RTN3: variants seen among roughly 807,000 people sequenced by gnomAD.
RTN3 encodes the protein reticulon 3, also known as reticulon-3.
In RTN3, 49 loss-of-function variants were observed where a neutral mutation model predicts 77.8. The ratio of observed to expected loss-of-function variants is 0.63; its 90% CI spans 0.50 to 0.80. RTN3 has a LOEUF of 0.80. Ranked by LOEUF, RTN3 falls within the 30% of genes least tolerant of loss-of-function variation. The probability of loss-of-function intolerance (pLI) is 0.00; values close to 1 mark genes in which losing one functional copy is unlikely to be tolerated. For missense variants in RTN3, 1,236 were observed against 1,211.9 expected, an observed-to-expected ratio of 1.02 and a Z score of -0.29; for synonymous variants, 464 against 446.9, an observed-to-expected ratio of 1.04 and a Z score of -0.48.
At chr11:63,746,811 G>C (rs983915986) in intron 3 of RTN3, 7 of 367,076 alleles carry the variant, frequency 1.9e-5, no homozygotes, top group Non-Finnish European at 3.9e-5. Flanking sequence ...ACCGCACCCG[G>C]CTGTTAAGGA....
rs2011646092 is a variant in RTN3 at position 63,720,092 on chromosome 11, T to A, written c.1590T>A (p.Ala530=). 6.2e-7 allele frequency: 1 copy of A among 1,613,504 alleles called. No individual in the cohort carries two copies. Among genetic ancestry groups the A allele is most frequent in the Non-Finnish European group, 8.5e-7 (1 of 1,179,918 alleles). ...QAEKPVSIPS[A]VVKTGEREIK... ...AAAAACCTGTTTCCATTCCAAGTGC[T>A]GTTGTAAAAACAGGTGAAAGAGAAA... Residue 530 remains alanine (A), a synonymous_variant, in exon 3 of 9, where the codon GCT becomes GCA. Coordinates refer to ENST00000377819, the MANE Select transcript of RTN3 (RefSeq NM_001265589.2).
At position 63,719,782 on chromosome 11, in the gene RTN3, C is replaced by A. The variant is rs1469139560; in HGVS notation, c.1280C>A (p.Ser427Tyr). ...AAACCTGTACCTGACTCTTTGAATTCCACAAAAGAATTCAGTATCAAAGGT... is the reference window on the plus strand; with the variant it reads ...AAACCTGTACCTGACTCTTTGAATTACACAAAAGAATTCAGTATCAAAGGT... The part of the protein sequence containing the change: ...TGKPVPDSLN[S>Y]TKEFSIKGVQ... The change falls in exon 3 of 9, where the codon TCC becomes TAC. Residue 427 changes from serine (S) to tyrosine (Y), a missense_variant. Coordinates refer to ENST00000377819, the MANE Select transcript of RTN3 (RefSeq NM_001265589.2). 1 of 1,614,090 alleles carries A rather than the reference C, an allele frequency of 6.2e-7. No homozygotes were observed. The highest frequency in any genetic ancestry group is 1.7e-5 in the Admixed American group (1 of 60,014).
intron 3 of RTN3, among the ~76,000 whole-genome samples, chr11:63,735,405 A>G (rs2013021362): frequency 6.6e-6 from 1 of 152,244 alleles, no homozygotes; most frequent in African/African-American, 2.4e-5. Context: ...AAAAGCTACC[A>G]AACACTGCAG....
intron 2 of RTN3, among the ~76,000 whole-genome samples, chr11:63,711,886 G>T (rs941092032): frequency 2.0e-5 from 3 of 151,718 alleles, no homozygotes; most frequent in Non-Finnish European, 4.4e-5. Context: ...ATAGAGAAGG[G>T]ATCTGTCTCA....
chr11:63,692,563 C>A (rs933887498), intron 1 of RTN3, among the ~76,000 whole-genome samples: 3 of 152,008 alleles, frequency 2.0e-5, no homozygotes, highest in African/African-American at 7.2e-5. Flanking sequence ...TGGAGACCAT[C>A]CTGGCTAACA....
At chr11:63,724,276 G>A (rs1357115530) in intron 3 of RTN3, among the ~76,000 whole-genome samples, 10 of 137,986 alleles carry the variant, frequency 7.2e-5, no homozygotes, top group African/African-American at 1.1e-4. Flanking sequence ...TCTGCCTCCC[G>A]GGTTCACGCC....
chr11:63,705,233 A>T (rs1000029911), intron 2 of RTN3, among the ~76,000 whole-genome samples: 2 of 152,200 alleles, frequency 1.3e-5, no homozygotes, highest in Non-Finnish European at 2.9e-5. Context: ...CACACCTGTA[A>T]TCTCAGCACT....
chr11:63,750,989 C>G (rs747534609), intron 4 of RTN3, among the ~76,000 whole-genome samples: 2 of 152,210 alleles, frequency 1.3e-5, no homozygotes, highest in Non-Finnish European at 2.9e-5. Flanking sequence ...GCCTCTGCCT[C>G]CCAAAGTGCT....
At chr11:63,751,676 T>TA (rs2014114542) in intron 4 of RTN3, among the ~76,000 whole-genome samples, 1 of 152,146 alleles carries the variant, frequency 6.6e-6, no homozygotes. Flanking sequence ...AGGAATAACT[T>TA]ACAACTTTAT....
Position 63,720,437 on chromosome 11 carries a change from T to C in RTN3, c.1935T>C (p.His645=), listed in dbSNP as rs1186863169. 1.9e-6 allele frequency: 3 copies of C among 1,613,542 alleles called. No homozygotes were observed. Among genetic ancestry groups the C allele is most frequent in the African/African-American group, 1.3e-5 (1 of 74,886 alleles). The change falls in exon 3 of 9, where the codon CAT becomes CAC. Residue 645 remains histidine (H), a synonymous_variant. Coordinates refer to ENST00000377819, the MANE Select transcript of RTN3 (RefSeq NM_001265589.2). ...CATTACATGGGAAAAATGTTAAACA[T>C]ATAGATGATTCCTCCCCAGAGGACC... ...LESLHGKNVK[H]IDDSSPEDLI...
At chr11:63,708,444 A>G (rs951629727) in intron 2 of RTN3, among the ~76,000 whole-genome samples, 6 of 152,280 alleles carry the variant, frequency 3.9e-5, no homozygotes, top group Non-Finnish European at 7.4e-5. Context: ...GATTACAGGC[A>G]TGAGCCACCA....
intron 3 of RTN3, among the ~76,000 whole-genome samples, chr11:63,728,092 G>A (rs1471695950): frequency 6.6e-6 from 1 of 152,168 alleles, no homozygotes; most frequent in Non-Finnish European, 1.5e-5. Flanking sequence ...GTTAGAATTG[G>A]CCAGAGGAAA....
rs1941031441 is a variant in RTN3 at position 63,681,517 on chromosome 11, C to A, written c.-120C>A. ...AGTCAGTCAGTCTGTCGGAGTCTGTCCTCGGAGCAGGCGGAGTAAAGGGAC... is the reference window on the plus strand; with the variant it reads ...AGTCAGTCAGTCTGTCGGAGTCTGTACTCGGAGCAGGCGGAGTAAAGGGAC... On this transcript the variant is annotated 5_prime_UTR_variant, in exon 1 of 9. Coordinates refer to ENST00000377819, the MANE Select transcript of RTN3 (RefSeq NM_001265589.2). 5.5e-6 allele frequency: 6 copies of A among 1,087,294 alleles called. No individual in the cohort carries two copies. Among genetic ancestry groups the A allele is most frequent in the East Asian group, 2.9e-5 (1 of 34,956 alleles). 67.4% of individuals were successfully genotyped at this position (1,087,294 alleles called of 1,614,324 possible).
chr11:63,693,570 T>G (rs1440426305), intron 1 of RTN3, among the ~76,000 whole-genome samples: 2 of 152,208 alleles, frequency 1.3e-5, no homozygotes, highest in Non-Finnish European at 2.9e-5. Context: ...GAACATTTGG[T>G]TTTTGAAAGT....
chr11:63,740,771 T>C (rs1391430620), intron 3 of RTN3, among the ~76,000 whole-genome samples: 3 of 152,184 alleles, frequency 2.0e-5, no homozygotes, highest in Non-Finnish European at 4.4e-5. Context: ...GAAAAAATCT[T>C]GTTGCTCTAT....
At chr11:63,700,670 C>T (rs1298374277) in intron 1 of RTN3, among the ~76,000 whole-genome samples, 1 of 151,318 alleles carries the variant, frequency 6.6e-6, no homozygotes, top group Non-Finnish European at 1.5e-5. Flanking sequence ...GTGGCATGAT[C>T]TCAGCTCACT....
chr11:63,721,164 G>T, intron 3 of RTN3, 132 bp downstream of exon 3: 1 of 704,960 alleles, frequency 1.4e-6, no homozygotes, highest in Non-Finnish European at 2.2e-6. Context: ...GCTGTATGAT[G>T]GGAAAGGCAG....
intron 3 of RTN3, among the ~76,000 whole-genome samples, chr11:63,745,031 C>G (rs1379658215): frequency 2.0e-5 from 3 of 152,158 alleles, no homozygotes; most frequent in Non-Finnish European, 4.4e-5. Context: ...AACCATGCAG[C>G]CTCTTGCTGG....
intron 1 of RTN3, among the ~76,000 whole-genome samples, chr11:63,696,357 A>G (rs1040470066): frequency 1.3e-5 from 2 of 150,590 alleles, no homozygotes; most frequent in African/African-American, 2.4e-5. Context: ...AGATCACACC[A>G]CTGCACTCCA....
Sources: allele counts gnomAD v4.1 joint callset (sites outside exome capture counted in the v4.1 genomes callset), GRCh38; gene constraint gnomAD v4.1.1; transcripts MANE v1.5; gene names NCBI Gene and HGNC (gene_info 2026-07-23, HGNC 2026-07-21).